The following HS6ST3 variants were observed in gnomAD, a reference collection of about 807,000 sequenced individuals.
HS6ST3 encodes heparan sulfate 6-O-sulfotransferase 3.
HS6ST3 carries 12 observed loss-of-function variants against 36.7 expected under a neutral mutation model. That is an observed-to-expected ratio of 0.33 (90% confidence interval 0.21 to 0.53). The LOEUF is 0.53. Among genes scored for constraint, HS6ST3 ranks in the 20% least tolerant of loss-of-function variants. The pLI is 0.95. For missense variants in HS6ST3, 584 were observed against 640.9 expected (o/e 0.91, Z 0.96); for synonymous variants, 240 against 257.5 (o/e 0.93, Z 0.65).
chr13:96,501,084 A>C (rs1335780795), intron 1 of HS6ST3, among the ~76,000 whole-genome samples: 3 of 152,182 alleles, frequency 2.0e-5, no homozygotes, highest in Non-Finnish European at 4.4e-5. Flanking sequence ...TACTGACTAT[A>C]AAATGCCTTT....
chr13:96,499,758 T>A (rs1343323268), intron 1 of HS6ST3, among the ~76,000 whole-genome samples: 1 of 151,622 alleles, frequency 6.6e-6, no homozygotes, highest in African/African-American at 2.4e-5. Flanking sequence ...TGAAGCTGAG[T>A]GGGTAAAGGA....
intron 1 of HS6ST3, among the ~76,000 whole-genome samples, chr13:96,313,958 T>C (rs1283380374): frequency 6.6e-6 from 1 of 152,128 alleles, no homozygotes; most frequent in East Asian, 1.9e-4. Flanking sequence ...CCCAGCACCT[T>C]GGGAAACCAA....
chr13:96,707,429 C>T (rs1353963446), intron 1 of HS6ST3, among the ~76,000 whole-genome samples: 1 of 152,182 alleles, frequency 6.6e-6, no homozygotes, highest in East Asian at 1.9e-4. Context: ...GTTACAGCAG[C>T]CTAAGCTGAC....
At chr13:96,781,073 G>C (rs1439692138) in intron 1 of HS6ST3, among the ~76,000 whole-genome samples, 1 of 152,124 alleles carries the variant, frequency 6.6e-6, no homozygotes, top group Non-Finnish European at 1.5e-5. Context: ...AGATAGCTGT[G>C]TCTGTCTAAC....
chr13:96,500,057 C>T (rs2055996694), intron 1 of HS6ST3, among the ~76,000 whole-genome samples: 3 of 152,136 alleles, frequency 2.0e-5, no homozygotes, highest in Non-Finnish European at 4.4e-5. Flanking sequence ...CACAAAGGAG[C>T]CGTATACTTG....
intron 1 of HS6ST3, among the ~76,000 whole-genome samples, chr13:96,641,446 C>T (rs903668279): frequency 6.6e-6 from 1 of 151,780 alleles, no homozygotes; most frequent in African/African-American, 2.4e-5. Flanking sequence ...GATATAGAAT[C>T]ATATCATCCA....
chr13:96,799,901 G>C (rs1413510969), intron 1 of HS6ST3, among the ~76,000 whole-genome samples: 1 of 145,494 alleles, frequency 6.9e-6, no homozygotes, highest in East Asian at 2.0e-4. Context: ...CCAAAACCCT[G>C]GACTCTTCAA....
intron 1 of HS6ST3, among the ~76,000 whole-genome samples, chr13:96,167,750 A>C (rs1284635278): frequency 6.6e-6 from 1 of 152,242 alleles, no homozygotes; most frequent in East Asian, 1.9e-4. Context: ...ATTATATGCA[A>C]GTGTCATATA....
At chr13:96,196,147 G>A (rs947449068) in intron 1 of HS6ST3, among the ~76,000 whole-genome samples, 19 of 152,082 alleles carry the variant, frequency 1.2e-4, no homozygotes, top group African/African-American at 4.6e-4. Context: ...GTCACACTGG[G>A]TCCGCACATC....
chr13:96,246,083 T>G (rs1036867674), intron 1 of HS6ST3, among the ~76,000 whole-genome samples: 2 of 152,144 alleles, frequency 1.3e-5, no homozygotes, highest in African/African-American at 4.8e-5. Context: ...TTTATTAGAT[T>G]AAATAATATG....
intron 1 of HS6ST3, among the ~76,000 whole-genome samples, chr13:96,514,103 G>C (rs1290391619): frequency 6.6e-6 from 1 of 152,116 alleles, no homozygotes; most frequent in Non-Finnish European, 1.5e-5. Flanking sequence ...TGATGTGGCT[G>C]ATTTTTCAAA....
At chr13:96,800,953 G>A (rs754326933) in intron 1 of HS6ST3, among the ~76,000 whole-genome samples, 12 of 152,048 alleles carry the variant, frequency 7.9e-5, no homozygotes, top group Non-Finnish European at 1.6e-4. Flanking sequence ...GACATAAAAA[G>A]TGCCATTGTC....
intron 1 of HS6ST3, among the ~76,000 whole-genome samples, chr13:96,315,042 C>T (rs1010822307): frequency 3.3e-5 from 5 of 152,094 alleles, no homozygotes; most frequent in East Asian, 1.9e-4. Flanking sequence ...ACAGACCTTA[C>T]CTAAATGTTT....
At chr13:96,231,140 G>T (rs1214285018) in intron 1 of HS6ST3, among the ~76,000 whole-genome samples, 1 of 152,076 alleles carries the variant, frequency 6.6e-6, no homozygotes, top group Non-Finnish European at 1.5e-5. Flanking sequence ...GCATGTTGAG[G>T]GAGGGATTGG....
At chr13:96,803,662 G>T (rs1878134682) in intron 1 of HS6ST3, among the ~76,000 whole-genome samples, 1 of 152,104 alleles carries the variant, frequency 6.6e-6, no homozygotes, top group Non-Finnish European at 1.5e-5. Flanking sequence ...TTGAAATCTT[G>T]CCAGAATTTA....
intron 1 of HS6ST3, among the ~76,000 whole-genome samples, chr13:96,288,950 G>C (rs1384924983): frequency 6.6e-6 from 1 of 151,806 alleles, no homozygotes. Context: ...AATTGATGAG[G>C]GAAGTTTATA....
intron 1 of HS6ST3, among the ~76,000 whole-genome samples, chr13:96,558,018 A>T (rs915417276): frequency 6.6e-5 from 10 of 152,206 alleles, no homozygotes; most frequent in Non-Finnish European, 1.5e-5. Context: ...TGGGCTGTCC[A>T]ATTATCATCA....
At chr13:96,279,451 A>C (rs1489297718) in intron 1 of HS6ST3, among the ~76,000 whole-genome samples, 2 of 152,340 alleles carry the variant, frequency 1.3e-5, no homozygotes, top group South Asian at 2.1e-4. Flanking sequence ...AAATAGCTAT[A>C]TAAATTATAA....
chr13:96,339,551 G>A (rs1463518251), intron 1 of HS6ST3, among the ~76,000 whole-genome samples: 1 of 152,152 alleles, frequency 6.6e-6, no homozygotes, highest in Admixed American at 6.6e-5. Flanking sequence ...AAAAGCCAAG[G>A]GCAGGGCCCA....
Sources: allele counts gnomAD v4.1 joint callset (sites outside exome capture counted in the v4.1 genomes callset), GRCh38; gene constraint gnomAD v4.1.1; transcripts MANE v1.5; gene names NCBI Gene and HGNC (gene_info 2026-07-23, HGNC 2026-07-21).